Variants in BRD10 observed in about 807,000 individuals in gnomAD.
BRD10 encodes bromodomain containing 10.
the BRD10 span, among the ~76,000 whole-genome samples, chr9:5,907,427 T>C: frequency 6.6e-6 from 1 of 152,222 alleles, no homozygotes; most frequent in Non-Finnish European, 1.5e-5. Context: ...GCTTAGCCAC[T>C]AGTCACATGG....
At chr9:5,971,304 C>T in the BRD10 span, among the ~76,000 whole-genome samples, 2 of 152,092 alleles carry the variant, frequency 1.3e-5, no homozygotes, top group African/African-American at 4.8e-5. Context: ...AAACCTCATA[C>T]ACTGTAGGCA....
the BRD10 span, among the ~76,000 whole-genome samples, chr9:6,001,510 G>A: frequency 3.9e-5 from 6 of 152,160 alleles, no homozygotes; most frequent in African/African-American, 9.6e-5. Context: ...TCCTGCCTCC[G>A]TACTTTAACT....
chr9:5,978,577 C>G, the BRD10 span, among the ~76,000 whole-genome samples: 1 of 152,104 alleles, frequency 6.6e-6, no homozygotes, highest in African/African-American at 2.4e-5. Flanking sequence ...CTGACAACAA[C>G]AGAATCTCCT....
the BRD10 span, among the ~76,000 whole-genome samples, chr9:5,917,342 T>C: frequency 1.3e-5 from 2 of 152,204 alleles, no homozygotes; most frequent in Non-Finnish European, 2.9e-5. Flanking sequence ...GACCTTCAAG[T>C]GTCTTGAATT....
At chr9:5,903,248 G>A in the BRD10 span, among the ~76,000 whole-genome samples, 6 of 152,124 alleles carry the variant, frequency 3.9e-5, no homozygotes, top group South Asian at 1.2e-3. Context: ...CCAGAATGTG[G>A]TTTATCCTGG....
At chr9:5,988,661 C>A in the BRD10 span, 14 of 702,722 alleles carry the variant, frequency 2.0e-5, no homozygotes, top group Non-Finnish European at 3.1e-5. Flanking sequence ...TTAAACCTTA[C>A]TTACTTAGCT....
At chr9:5,984,523 G>T in the BRD10 span, among the ~76,000 whole-genome samples, 1 of 151,954 alleles carries the variant, frequency 6.6e-6, no homozygotes, top group Admixed American at 6.6e-5. Context: ...TATTACCAGG[G>T]ATAAAAAGGG....
At chr9:5,975,377 T>C in the BRD10 span, among the ~76,000 whole-genome samples, 3 of 144,444 alleles carry the variant, frequency 2.1e-5, no homozygotes, top group East Asian at 6.0e-4. Flanking sequence ...AAGTGGAGGT[T>C]GCAGTGAGCC....
At chr9:5,922,354 T>G in the BRD10 span, 2 of 1,613,978 alleles carry the variant, frequency 1.2e-6, no homozygotes, top group East Asian at 4.5e-5. Context: ...CTGCTGAAAC[T>G]GCATTCTTGG....
At chr9:5,937,240 A>G in the BRD10 span, among the ~76,000 whole-genome samples, 1 of 151,128 alleles carries the variant, frequency 6.6e-6, no homozygotes, top group Admixed American at 6.6e-5. Context: ...AAAAAAAAAA[A>G]AAAGGGTTTA....
chr9:5,897,771 C>T, the BRD10 span: 18 of 900,076 alleles, frequency 2.0e-5, no homozygotes, highest in Admixed American at 1.4e-4. Context: ...GCTCTGATTC[C>T]GGCTTCTGAT....
chr9:6,004,194 G>A, the BRD10 span, among the ~76,000 whole-genome samples: 9 of 151,964 alleles, frequency 5.9e-5, no homozygotes, highest in Non-Finnish European at 7.4e-5. Context: ...CACCCCTTCC[G>A]CTTCAGATTT....
At chr9:5,951,078 C>CACACACA in the BRD10 span, among the ~76,000 whole-genome samples, 1 of 136,126 alleles carries the variant, frequency 7.3e-6, no homozygotes. Context: ...ACACACACAC[C>CACACACA]CCCACCCCAC....
the BRD10 span, chr9:5,968,906 T>C: frequency 6.2e-7 from 1 of 1,612,860 alleles, no homozygotes; most frequent in East Asian, 2.2e-5. Context: ...TTGAACTTCC[T>C]TTTGTGTTTC....
chr9:6,007,098 C>G, the BRD10 span: 1 of 1,272,380 alleles, frequency 7.9e-7, no homozygotes, highest in Non-Finnish European at 1.1e-6. Context: ...CACCTATCAG[C>G]GCCGCCCCCA....
At chr9:5,977,256 G>A in the BRD10 span, among the ~76,000 whole-genome samples, 1 of 152,156 alleles carries the variant, frequency 6.6e-6, no homozygotes, top group East Asian at 1.9e-4. Flanking sequence ...TACTCACACT[G>A]CTGCTGTTCC....
chr9:5,879,040 C>T, the BRD10 span, among the ~76,000 whole-genome samples: 177 of 152,326 alleles, frequency 1.2e-3, no homozygotes, highest in Non-Finnish European at 1.9e-3. Flanking sequence ...TCTGCTGTTG[C>T]CATCTATTGA....
chr9:5,892,684 A>G, the BRD10 span: 1 of 676,978 alleles, frequency 1.5e-6, no homozygotes, highest in African/African-American at 1.8e-5. Flanking sequence ...ATCCCTGGCA[A>G]CAAGGGGAGG....
chr9:5,932,980 T>G, the BRD10 span, among the ~76,000 whole-genome samples: 5 of 152,314 alleles, frequency 3.3e-5, no homozygotes, highest in East Asian at 5.8e-4. Context: ...CAGCAAGTTC[T>G]TCTGTCTTCA....
Sources: gnomAD v4.1 joint callset for allele counts (sites outside exome capture counted in the v4.1 genomes callset) on GRCh38, gnomAD v4.1.1 for gene constraint, MANE v1.5 for transcripts, NCBI Gene and HGNC (gene_info 2026-07-23, HGNC 2026-07-21) for gene names.